Variants in ELMOD1 observed in about 807,000 individuals in gnomAD.
ELMOD1 encodes the protein ELMO domain-containing protein 1.
A neutral mutation model predicts 46.7 loss-of-function variants in ELMOD1; 21 were observed. The ratio of observed to expected loss-of-function variants is 0.45; its 90% CI spans 0.32 to 0.65. ELMOD1 has a LOEUF of 0.65. ELMOD1 is among the 30% of genes least tolerant of loss of function. The probability of loss-of-function intolerance (pLI) is 0.04; values close to 1 mark genes in which losing one functional copy is unlikely to be tolerated. For synonymous variants in ELMOD1, 122 were observed against 138.2 expected, an observed-to-expected ratio of 0.88 and a Z score of 0.82; for missense variants, 348 against 407.8, an observed-to-expected ratio of 0.85 and a Z score of 1.26.
chr11:107,656,191 C>T, intron 11 of ELMOD1, 125 bp downstream of exon 11: 5 of 1,020,504 alleles, frequency 4.9e-6, no homozygotes, highest in East Asian at 2.7e-5. Context: ...AGTTCAAGAC[C>T]AGCTTGGCCA....
At chr11:107,629,929 G>T (rs1353732503) in intron 2 of ELMOD1, among the ~76,000 whole-genome samples, 1 of 151,990 alleles carries the variant, frequency 6.6e-6, no homozygotes, top group African/African-American at 2.4e-5. Flanking sequence ...AAGAATGGGA[G>T]CAAGGGAAGG....
At chr11:107,622,532 A>G (rs1192377295) in intron 2 of ELMOD1, among the ~76,000 whole-genome samples, 2 of 152,210 alleles carry the variant, frequency 1.3e-5, no homozygotes, top group Admixed American at 1.3e-4. Context: ...CATCTAGTCC[A>G]ATCCCTTCAC....
At chr11:107,644,156 C>T (rs1866375836) in intron 6 of ELMOD1, among the ~76,000 whole-genome samples, 1 of 152,010 alleles carries the variant, frequency 6.6e-6, no homozygotes, top group East Asian at 2.0e-4. Context: ...ATGAGCTGGG[C>T]ATGGTGGTAC....
intron 11 of ELMOD1, among the ~76,000 whole-genome samples, chr11:107,656,602 T>G (rs1434992498): frequency 6.6e-6 from 1 of 151,812 alleles, no homozygotes; most frequent in Non-Finnish European, 1.5e-5. Context: ...CTCTTTTGGT[T>G]CTGATTTTTT....
chr11:107,615,792 A>G (rs1865852301), intron 1 of ELMOD1, among the ~76,000 whole-genome samples: 1 of 151,266 alleles, frequency 6.6e-6, no homozygotes, highest in Non-Finnish European at 1.5e-5. Context: ...AGGGGTACTG[A>G]TTAGATATTT....
chr11:107,660,973 T>C (rs1591141602), intron 11 of ELMOD1, among the ~76,000 whole-genome samples: 1 of 152,226 alleles, frequency 6.6e-6, no homozygotes, highest in Non-Finnish European at 1.5e-5. Flanking sequence ...GCAGATGAGT[T>C]AACTGACAGA....
intron 1 of ELMOD1, chr11:107,600,551 T>C (rs1865579640): frequency 6.6e-6 from 1 of 152,314 alleles, no homozygotes; most frequent in Non-Finnish European, 1.5e-5. Flanking sequence ...CCATTTTCAA[T>C]GCGGTGTTCA....
chr11:107,635,449 A>G (rs1329925369), intron 5 of ELMOD1, among the ~76,000 whole-genome samples, 187 bp from the exon 6 acceptor site: 1 of 152,184 alleles, frequency 6.6e-6, no homozygotes, highest in Non-Finnish European at 1.5e-5. Context: ...AATTTTAGCC[A>G]GGTTCTACAG....
At chr11:107,614,299 A>G (rs1024349175) in intron 1 of ELMOD1, among the ~76,000 whole-genome samples, 1 of 152,178 alleles carries the variant, frequency 6.6e-6, no homozygotes, top group Non-Finnish European at 1.5e-5. Context: ...TATAGGATTT[A>G]TTCCTCATAT....
intron 1 of ELMOD1, among the ~76,000 whole-genome samples, chr11:107,603,804 G>C (rs1865643391): frequency 6.6e-6 from 1 of 151,886 alleles, no homozygotes; most frequent in African/African-American, 2.4e-5. Context: ...CTTGAACCTG[G>C]GAGGCAGAGG....
At chr11:107,594,432 A>G (rs1052422693) in intron 1 of ELMOD1, among the ~76,000 whole-genome samples, 11 of 152,152 alleles carry the variant, frequency 7.2e-5, no homozygotes, top group African/African-American at 2.7e-4. Flanking sequence ...GCCAATGGGA[A>G]TGGAAGAGAG....
chr11:107,662,891 A>T (rs1053182337), intron 11 of ELMOD1, among the ~76,000 whole-genome samples: 2 of 151,414 alleles, frequency 1.3e-5, no homozygotes, highest in Admixed American at 6.6e-5. Context: ...ACCCTGTCTC[A>T]AAAAAAATTT....
intron 3 of ELMOD1, 26 bp downstream of exon 3, chr11:107,630,588 A>C: frequency 6.2e-7 from 1 of 1,607,726 alleles, no homozygotes; most frequent in Non-Finnish European, 8.5e-7. Flanking sequence ...AGAAGTAAGC[A>C]AAAGGTAGAG....
intron 4 of ELMOD1, 27 bp downstream of exon 4, chr11:107,630,755 T>G (rs754383017): frequency 7.9e-5 from 125 of 1,578,168 alleles, no homozygotes; most frequent in Non-Finnish European, 1.0e-4. Context: ...TTCAGCAGCT[T>G]TTTTTTCACT....
At chr11:107,649,884 C>T (rs1312617827) in intron 7 of ELMOD1, among the ~76,000 whole-genome samples, 2 of 152,102 alleles carry the variant, frequency 1.3e-5, no homozygotes, top group African/African-American at 4.8e-5. Context: ...AGATATTTTC[C>T]ATTCATCCAG....
intron 1 of ELMOD1, among the ~76,000 whole-genome samples, chr11:107,610,630 T>C (rs936523294): frequency 3.5e-5 from 5 of 144,914 alleles, no homozygotes; most frequent in Non-Finnish European, 7.5e-5. Flanking sequence ...GCCACTGCAC[T>C]CCACCCTGGG....
rs1555068801 is a variant in ELMOD1 at position 107,650,382 on chromosome 11, A to T, written c.602A>T (p.Asp201Val). 1.3e-6 allele frequency: 2 copies of T among 1,592,104 alleles called. No homozygotes were observed. Among genetic ancestry groups the T allele is most frequent in the East Asian group, 4.5e-5 (2 of 44,306 alleles). The change falls in exon 8 of 12, where the codon GAC becomes GTC. Residue 201 changes from aspartate to valine, a missense_variant. Asp to Val is a radical substitution (Grantham distance 152, BLOSUM62 -3). Coordinates refer to ENST00000265840, the MANE Select transcript of ELMOD1 (RefSeq NM_018712.4). Reference sequence around the variant, plus strand: ...ACAGCAGCTCAGCAGGTCCTGTCTGACTCTCTTCATCCGAAATGCAGGTAA... The same window carrying T: ...ACAGCAGCTCAGCAGGTCCTGTCTGTCTCTCTTCATCCGAAATGCAGGTAA... ...DATAAQQVLSDSLHPKCRDIT... is the reference protein window; with the variant it reads ...DATAAQQVLSVSLHPKCRDIT...
At chr11:107,603,792 T>G (rs1355324063) in intron 1 of ELMOD1, among the ~76,000 whole-genome samples, 1 of 151,204 alleles carries the variant, frequency 6.6e-6, no homozygotes, top group Non-Finnish European at 1.5e-5. Context: ...GCAGGAGAAT[T>G]GCTTGAACCT....
At chr11:107,657,115 C>T (rs535399144) in intron 11 of ELMOD1, among the ~76,000 whole-genome samples, 8 of 152,244 alleles carry the variant, frequency 5.3e-5, no homozygotes, top group African/African-American at 1.9e-4. Flanking sequence ...AGGTTCTAAT[C>T]ATTGTGAAAT....
Sources: gnomAD v4.1 joint callset for allele counts (sites outside exome capture counted in the v4.1 genomes callset) on GRCh38, gnomAD v4.1.1 for gene constraint, MANE v1.5 for transcripts, NCBI Gene and HGNC (gene_info 2026-07-23, HGNC 2026-07-21) for gene names.